Variants in ASTN2 observed in about 807,000 individuals in gnomAD.
ASTN2 encodes the protein astrotactin-2.
Under a neutral mutation model 139.8 loss-of-function variants are expected in ASTN2, and 54 were observed. The ratio of observed to expected loss-of-function variants is 0.39; its 90% CI spans 0.31 to 0.48. The LOEUF (loss-of-function observed/expected upper bound fraction) is 0.48. Ranked by LOEUF, ASTN2 falls within the 20% of genes least tolerant of loss-of-function variation. The pLI is 0.95. For synonymous variants in ASTN2, 756 were observed against 719.5 expected, an observed-to-expected ratio of 1.05 and a Z score of -0.81; for missense variants, 1,565 against 1,725.1, an observed-to-expected ratio of 0.91 and a Z score of 1.64.
intron 5 of ASTN2, among the ~76,000 whole-genome samples, chr9:117,054,044 C>A (rs75524188): frequency 2.3e-4 from 33 of 145,172 alleles, no homozygotes; most frequent in African/African-American, 6.2e-4. Context: ...AAAAAAAAAA[C>A]AAAAGAGGAG....
chr9:116,580,751 C>G (rs1853915796), intron 19 of ASTN2, among the ~76,000 whole-genome samples: 1 of 151,910 alleles, frequency 6.6e-6, no homozygotes, highest in Admixed American at 6.6e-5. Context: ...TCCTAAAGAT[C>G]TTTGGCAAAC....
intron 5 of ASTN2, among the ~76,000 whole-genome samples, chr9:117,094,625 C>T (rs181224480): frequency 1.3e-5 from 2 of 152,146 alleles, no homozygotes; most frequent in East Asian, 1.9e-4. Flanking sequence ...AGGCAGATCC[C>T]ATTTTTCCAA....
chr9:116,794,393 G>A (rs564481965), intron 13 of ASTN2, among the ~76,000 whole-genome samples: 36 of 152,028 alleles, frequency 2.4e-4, no homozygotes, highest in African/African-American at 6.5e-4. Context: ...CCACCGAGCC[G>A]GGCCAAAAAC....
chr9:116,777,438 G>A (rs1028411963), intron 13 of ASTN2, among the ~76,000 whole-genome samples: 2 of 152,148 alleles, frequency 1.3e-5, no homozygotes, highest in Non-Finnish European at 1.5e-5. Context: ...CAGATAATGA[G>A]TTGCGGCACC....
At chr9:117,123,851 TC>T (rs1225335213) in intron 4 of ASTN2, among the ~76,000 whole-genome samples, 1 of 152,166 alleles carries the variant, frequency 6.6e-6, no homozygotes, top group East Asian at 1.9e-4. Flanking sequence ...GGTTTCACAT[TC>T]TTCTTACTCA....
chr9:116,934,028 T>A (rs10983417), intron 10 of ASTN2, among the ~76,000 whole-genome samples: 20,653 of 130,190 alleles, frequency 0.16, 1,902 homozygotes, highest in East Asian at 0.23. Flanking sequence ...GTCTGGGGAG[T>A]AACTAGCAGA....
At chr9:117,207,746 G>A (rs546219440) in intron 3 of ASTN2, among the ~76,000 whole-genome samples, 45 of 152,244 alleles carry the variant, frequency 3.0e-4, no homozygotes, top group African/African-American at 9.1e-4. Flanking sequence ...CAGCCCCATG[G>A]CCCTAATATC....
intron 2 of ASTN2, among the ~76,000 whole-genome samples, chr9:117,289,550 C>T (rs955218033): frequency 5.3e-5 from 8 of 152,178 alleles, no homozygotes; most frequent in African/African-American, 1.9e-4. Context: ...AAGAAGGATA[C>T]ATGCAAGTAA....
intron 13 of ASTN2, among the ~76,000 whole-genome samples, chr9:116,790,273 G>A (rs1480858646): frequency 6.6e-6 from 1 of 152,036 alleles, no homozygotes; most frequent in Non-Finnish European, 1.5e-5. Context: ...TAATTCTCCT[G>A]TGAGGCAGGC....
chr9:116,674,222 C>T (rs1057136766), intron 16 of ASTN2, among the ~76,000 whole-genome samples: 2 of 152,194 alleles, frequency 1.3e-5, no homozygotes, highest in African/African-American at 4.8e-5. Flanking sequence ...CTTGATGGAT[C>T]AGCTGGCACT....
At chr9:116,587,115 C>T (rs960872176) in intron 19 of ASTN2, among the ~76,000 whole-genome samples, 8 of 151,886 alleles carry the variant, frequency 5.3e-5, no homozygotes, top group African/African-American at 9.7e-5. Context: ...CTGAGGTGGG[C>T]GGATCACCTG....
intron 19 of ASTN2, among the ~76,000 whole-genome samples, chr9:116,593,443 C>A (rs569457625): frequency 6.6e-6 from 1 of 152,296 alleles, no homozygotes; most frequent in African/African-American, 2.4e-5. Context: ...AAGAGAATGT[C>A]TGAAGGGAGG....
At chr9:116,846,460 G>A (rs765516280) in intron 11 of ASTN2, among the ~76,000 whole-genome samples, 4 of 152,258 alleles carry the variant, frequency 2.6e-5, no homozygotes, top group Admixed American at 1.3e-4. Flanking sequence ...CCAACTGGAG[G>A]GACCGGATCA....
chr9:117,278,076 T>C (rs1417997414), intron 2 of ASTN2, among the ~76,000 whole-genome samples: 1 of 152,222 alleles, frequency 6.6e-6, no homozygotes, highest in Non-Finnish European at 1.5e-5. Context: ...GCTGTAATCA[T>C]GATAAATCAT....
intron 12 of ASTN2, among the ~76,000 whole-genome samples, chr9:116,810,937 A>G (rs1831148914): frequency 6.6e-6 from 1 of 152,082 alleles, no homozygotes; most frequent in East Asian, 1.9e-4. Context: ...ATATTTTCTA[A>G]CATTATAATG....
chr9:116,634,938 AAGAG>A (rs1313372998), intron 17 of ASTN2, among the ~76,000 whole-genome samples: 1 of 151,650 alleles, frequency 6.6e-6, no homozygotes, highest in African/African-American at 2.4e-5. Context: ...GGGGGAGAAA[AAGAG>A]AGAGAAGTGG....
In ASTN2 at chr9:116,590,055, G is replaced by C. The variant is rs74684144; in HGVS notation, c.3355+28269C>G. On this transcript the variant is annotated intron_variant, in intron 19 of 22. Transcript: ENST00000313400. Reference sequence around the variant, plus strand: ...TGGCAGCCCATATGAAGCGGCCACTGCAAAGACACCGGCTGCAGCAGGGGA... The same window carrying C: ...TGGCAGCCCATATGAAGCGGCCACTCCAAAGACACCGGCTGCAGCAGGGGA... 7.9e-3 allele frequency among the ~76,000 whole-genome samples: 1,200 copies of C among 152,304 alleles called. 29 individuals are homozygous for C. Among genetic ancestry groups the C allele is most frequent in the East Asian group, 0.07 (363 of 5,172 alleles).
chr9:117,186,753 C>G (rs1831210714), intron 3 of ASTN2, among the ~76,000 whole-genome samples: 1 of 152,144 alleles, frequency 6.6e-6, no homozygotes, highest in African/African-American at 2.4e-5. Context: ...ATGTTCTAAA[C>G]AAGAAGCAGA....
At chr9:116,991,664 G>T (rs1424580368) in intron 7 of ASTN2, among the ~76,000 whole-genome samples, 1 of 151,614 alleles carries the variant, frequency 6.6e-6, no homozygotes, top group Non-Finnish European at 1.5e-5. Flanking sequence ...ATAGTCAGGG[G>T]CAGAGTCAGG....
Sources: gnomAD v4.1 joint callset for allele counts (sites outside exome capture counted in the v4.1 genomes callset) on GRCh38, gnomAD v4.1.1 for gene constraint, MANE v1.5 for transcripts, NCBI Gene and HGNC (gene_info 2026-07-23, HGNC 2026-07-21) for gene names.